Variants in CETP observed in about 807,000 individuals in gnomAD.
The protein encoded by CETP is cholesteryl ester transfer protein.
In CETP, 56 loss-of-function variants were observed where a neutral mutation model predicts 66.5. That is an observed-to-expected ratio of 0.84 (90% CI 0.68 to 1.05). The LOEUF (loss-of-function observed/expected upper bound fraction) is 1.05, where lower values mean the gene tolerates loss of function less well. Among genes scored for constraint, CETP ranks in the 50% least tolerant of loss-of-function variants. The pLI is 0.00. For synonymous variants in CETP, 251 were observed against 245.7 expected, an observed-to-expected ratio of 1.02 and a Z score of -0.20; for missense variants, 612 against 609.6, an observed-to-expected ratio of 1.00 and a Z score of -0.04.
intron 10 of CETP, among the ~76,000 whole-genome samples, chr16:56,975,646 A>G (rs1353113929): frequency 3.3e-5 from 5 of 152,138 alleles, no homozygotes; most frequent in Non-Finnish European, 7.4e-5. Flanking sequence ...CCCACTCCTC[A>G]GTGCAGGGTT....
chr16:56,969,322 A>T lies in CETP; in HGVS notation c.234-64A>T, dbSNP rs538498068. The T allele has an allele frequency of 2.1e-4, 341 of 1,609,270 alleles. No homozygotes were observed. The African/African-American group carries it at 4.2e-3, about 20-fold the overall frequency. On this transcript the variant is annotated intron_variant, in intron 2 of 15. Transcript: ENST00000200676. The stretch of plus-strand genomic sequence containing the variant: ...TCCACCCTCGCCTAGACAAAATTGG[A>T]GGCTCACTCCTTGGGCTCCCTGGAT...
intron 5 of CETP, among the ~76,000 whole-genome samples, chr16:56,970,787 C>T (rs867138597): frequency 6.6e-6 from 1 of 152,182 alleles, no homozygotes; most frequent in African/African-American, 2.4e-5. Context: ...GACACGTTCT[C>T]GTGTGTGTGA....
Position 56,975,903 on chromosome 16 carries a change from G to A in CETP, c.981+752G>A, listed in dbSNP as rs546581906. Among the ~76,000 whole-genome samples, 6 of 152,248 alleles carry A rather than the reference G, an allele frequency of 3.9e-5. No individual in the cohort carries two copies. In the East Asian group the frequency reaches 1.2e-3, roughly 29 times the overall value. On this transcript the variant is annotated intron_variant, in intron 10 of 15. Transcript: ENST00000200676. ...CTTCCCCCCCACGTCGCTGCTCCCA[G>A]TCGCAACCCACTCACCCACACCTGC...
Position 56,969,932 on chromosome 16 carries a change from T to C in CETP, c.458T>C (p.Val153Ala). Residue 153 changes from valine (V) to alanine (A), a missense_variant, in exon 5 of 16, where the codon GTG becomes GCG. Val to Ala is a moderately conservative substitution (Grantham distance 64, BLOSUM62 0). Transcript: ENST00000200676. ...CCTGCAGCCTGTGACTCTGGTAGAG[T>C]GCGGACCGATGCCCCTGACTGCTAC... ...NTQLTCDSGR[V>A]RTDAPDCYLS... 6.2e-7 allele frequency: 1 copy of C among 1,614,072 alleles called. No homozygotes were observed. The highest frequency in any genetic ancestry group is 8.5e-7 in the Non-Finnish European group (1 of 1,179,988).
chr16:56,964,015 T>C (rs2056046559), intron 2 of CETP, among the ~76,000 whole-genome samples: 1 of 96,470 alleles, frequency 1.0e-5, no homozygotes, highest in Non-Finnish European at 2.2e-5. Context: ...TATTTATTTA[T>C]TTATTTATTT....
intron 11 of CETP, among the ~76,000 whole-genome samples, chr16:56,979,810 A>G (rs755955716): frequency 7.2e-5 from 11 of 151,730 alleles, no homozygotes; most frequent in African/African-American, 2.7e-4. Flanking sequence ...CTCGGCCAAT[A>G]TTTCTTAATA....
chr16:56,971,201 T>C, intron 6 of CETP, 99 bp downstream of exon 6: 2 of 1,507,766 alleles, frequency 1.3e-6, no homozygotes, highest in Admixed American at 1.7e-5. Flanking sequence ...CACTCCCACC[T>C]TCTCCATGTG....
chr16:56,966,222 T>C (rs1219821223), intron 2 of CETP, among the ~76,000 whole-genome samples: 1 of 152,210 alleles, frequency 6.6e-6, no homozygotes, highest in Non-Finnish European at 1.5e-5. Context: ...AGGGGAGAAT[T>C]AATTCCCTCG....
rs1441296789 is a variant in CETP, at chr16:56,980,652, G to A, written c.1147-506G>A. Among the ~76,000 whole-genome samples, 6 of 152,130 alleles carry A rather than the reference G, an allele frequency of 3.9e-5. No individual in the cohort carries two copies. The East Asian group carries it at 5.8e-4, about 15-fold the overall frequency. On this transcript the variant is annotated intron_variant, in intron 11 of 15. Transcript: ENST00000200676. Reference sequence around the variant, plus strand: ...AAAAAAGAATTATTCGGCCGGGCACGGTGGCTCACGCCTGTAATCCCAGCA... The same window carrying A: ...AAAAAAGAATTATTCGGCCGGGCACAGTGGCTCACGCCTGTAATCCCAGCA...
intron 10 of CETP, among the ~76,000 whole-genome samples, chr16:56,976,245 C>T (rs949051729): frequency 6.6e-6 from 1 of 152,146 alleles, no homozygotes; most frequent in South Asian, 2.1e-4. Flanking sequence ...AATCTGTTCC[C>T]CACAGCAGCC....
At chr16:56,971,142 GCCCAGGAGGCTGGATC>G in intron 6 of CETP, 40 bp downstream of exon 6, 1 of 1,600,076 alleles carries the variant, frequency 6.2e-7, no homozygotes, top group Non-Finnish European at 8.6e-7. Flanking sequence ...CCAGGGCCAT[GCCCAGGAGGCTGGATC>G]CCTTTCCTCC....
At chr16:56,964,053 G>GTC (rs1420030176) in intron 2 of CETP, among the ~76,000 whole-genome samples, 2 of 147,350 alleles carry the variant, frequency 1.4e-5, no homozygotes, top group Non-Finnish European at 3.0e-5. Context: ...TTGAGATGGA[G>GTC]TCTCTCACTG....
In CETP at chr16:56,962,860, C is replaced by T; in HGVS notation, c.119-150C>T. 12 of 697,932 alleles carry T rather than the reference C, an allele frequency of 1.7e-5. No individual in the cohort carries two copies. The South Asian group carries it at 1.8e-4, about 11-fold the overall frequency. The allele number at this position is 697,932 out of a possible 1,614,324, so 43.2% of individuals were successfully genotyped here. ...CCTAGAATTGCCATCAACCTTAAAC[C>T]CAGAGGGAGGCCCAGTCCAACCCCT... On this transcript the variant is annotated intron_variant, in intron 1 of 15. Transcript: ENST00000200676.
chr16:56,967,345 C>CACACACAA (rs1555505859), intron 2 of CETP, among the ~76,000 whole-genome samples: 3 of 142,728 alleles, frequency 2.1e-5, no homozygotes, highest in South Asian at 2.4e-4. Flanking sequence ...AATTCTGTCA[C>CACACACAA]ACAAACAAAC....
chr16:56,977,151 T>G (rs1183432468), intron 10 of CETP, among the ~76,000 whole-genome samples: 1 of 152,076 alleles, frequency 6.6e-6, no homozygotes, highest in Non-Finnish European at 1.5e-5. Flanking sequence ...CCTCAAATGA[T>G]CCTCCTGCCT....
At chr16:56,981,310 G>C in intron 12 of CETP, 85 bp downstream of exon 12, 1 of 1,137,234 alleles carries the variant, frequency 8.8e-7, no homozygotes, top group Non-Finnish European at 1.3e-6. Context: ...GCGGGGTGTT[G>C]GTGGGGAAAT....
intron 8 of CETP, among the ~76,000 whole-genome samples, chr16:56,972,356 CT>C (rs2141999665): frequency 6.6e-6 from 1 of 151,156 alleles, no homozygotes; most frequent in South Asian, 2.1e-4. Context: ...GCTTATTCGG[CT>C]TCTGTCATCC....
chr16:56,971,338 C>T lies in CETP; in HGVS notation c.615C>T (p.Asn205=), dbSNP rs769887743. 1.8e-5 allele frequency: 29 copies of T among 1,613,968 alleles called. No individual in the cohort carries two copies. The highest frequency in any genetic ancestry group is 3.3e-5 in the Admixed American group (2 of 60,006). Residue 205 remains asparagine (N), a synonymous_variant, in exon 7 of 16, where the codon AAC becomes AAT. Coordinates refer to ENST00000200676, the MANE Select transcript of CETP (RefSeq NM_000078.3). The stretch of plus-strand genomic sequence containing the variant: ...TGCCCCAGATCTGCAAAGAGATCAA[C>T]GTCATCTCTAACATCATGGCCGATT... ...VLKGQICKEI[N]VISNIMADFV...
intron 14 of CETP, among the ~76,000 whole-genome samples, chr16:56,982,640 A>G (rs1225180815): frequency 1.2e-4 from 19 of 152,154 alleles, no homozygotes; most frequent in Non-Finnish European, 1.0e-4. Flanking sequence ...TTTCCTTTTG[A>G]CCTTGAAATG....
Sources: allele counts gnomAD v4.1 joint callset (sites outside exome capture counted in the v4.1 genomes callset), GRCh38; gene constraint gnomAD v4.1.1; transcripts MANE v1.5; gene names NCBI Gene and HGNC (gene_info 2026-07-23, HGNC 2026-07-21).